Variants in PREX1 observed in about 807,000 individuals in gnomAD.
The protein encoded by PREX1 is phosphatidylinositol 3,4,5-trisphosphate-dependent Rac exchanger 1 protein.
In PREX1, 41 loss-of-function variants were observed where a neutral mutation model predicts 198.3. The ratio of observed to expected loss-of-function variants is 0.21; its 90% confidence interval spans 0.16 to 0.27. The LOEUF (loss-of-function observed/expected upper bound fraction) is 0.27. Ranked by LOEUF, PREX1 falls within the 10% of genes least tolerant of loss-of-function variation. PREX1 has a pLI of 1.00. For missense variants in PREX1, 1,620 were observed against 2,200.7 expected, an observed-to-expected ratio of 0.74 and a Z score of 5.28; for synonymous variants, 843 against 887.2, an observed-to-expected ratio of 0.95 and a Z score of 0.89.
chr20:48,628,228 C>A lies in PREX1; in HGVS notation c.4767-265G>T, dbSNP rs565992452. On this transcript the variant is annotated intron_variant, in intron 37 of 39. Transcript: ENST00000371941. ...AGAAGCCCTGTTGAGTTCCCTGTGA[C>A]ATTCCCAGTGCCTCGCTCAGAGGAG... 2.0e-5 allele frequency among the ~76,000 whole-genome samples: 3 copies of A among 152,342 alleles called. No homozygotes were observed. The South Asian group carries it at 6.2e-4, about 32-fold the overall frequency.
At chr20:48,715,406 A>G (rs1315920555) in intron 5 of PREX1, among the ~76,000 whole-genome samples, 1 of 152,222 alleles carries the variant, frequency 6.6e-6, no homozygotes, top group African/African-American at 2.4e-5. Flanking sequence ...AGGCCCACTA[A>G]TGCCTTATTC....
At chr20:48,782,863 G>T (rs1035329498) in intron 1 of PREX1, among the ~76,000 whole-genome samples, 1 of 152,212 alleles carries the variant, frequency 6.6e-6, no homozygotes, top group Non-Finnish European at 1.5e-5. Context: ...GGGAGAAGAA[G>T]TGAACAGGCG....
intron 1 of PREX1, among the ~76,000 whole-genome samples, chr20:48,785,648 C>G (rs536374765): frequency 6.6e-6 from 1 of 152,246 alleles, no homozygotes. Flanking sequence ...TACAGAAGTA[C>G]CTGTCCCAGC....
intron 1 of PREX1, among the ~76,000 whole-genome samples, chr20:48,767,704 C>G (rs1279361513): frequency 2.6e-5 from 4 of 152,044 alleles, no homozygotes; most frequent in Non-Finnish European, 4.4e-5. Context: ...GTGTCTCATT[C>G]CACTGCAGCC....
intron 18 of PREX1, among the ~76,000 whole-genome samples, chr20:48,656,719 C>T: frequency 6.6e-6 from 1 of 152,224 alleles, no homozygotes; most frequent in East Asian, 1.9e-4. Flanking sequence ...GCCACGCTCA[C>T]CAGCACAGGC....
chr20:48,710,793 C>T (rs779174793), intron 5 of PREX1, among the ~76,000 whole-genome samples: 7 of 152,232 alleles, frequency 4.6e-5, no homozygotes, highest in Non-Finnish European at 8.8e-5. Flanking sequence ...GGCCACACTG[C>T]GTCTGCAGGA....
At chr20:48,630,206 T>C (rs938487500) in intron 36 of PREX1, among the ~76,000 whole-genome samples, 5 of 151,946 alleles carry the variant, frequency 3.3e-5, no homozygotes, top group Non-Finnish European at 5.9e-5. Context: ...CCAAAAGACA[T>C]GTGTTGAGGG....
intron 1 of PREX1, among the ~76,000 whole-genome samples, chr20:48,825,860 AC>A (rs1433433146): frequency 1.2e-5 from 1 of 85,572 alleles, no homozygotes; most frequent in Non-Finnish European, 2.3e-5. Flanking sequence ...TTCTTCCCCC[AC>A]CCCCCACCCC....
In PREX1 at chr20:48,676,855, GC is replaced by G. The variant is rs1257257427; in HGVS notation, c.1590-588del. Among the ~76,000 whole-genome samples, 3 of 152,206 alleles carry G rather than the reference GC, an allele frequency of 2.0e-5. No individual in the cohort carries two copies. The East Asian group carries it at 5.8e-4, about 29-fold the overall frequency. On this transcript the variant is annotated intron_variant, in intron 13 of 39. Coordinates refer to ENST00000371941, the MANE Select transcript of PREX1 (RefSeq NM_020820.4). ...TATTTAAACCAAACCATTGTGGAAA[GC>G]CCCTGCAAGGGGCTGGTGTGGTCTA... is the stretch of plus-strand genomic sequence containing the variant.
the PREX1 span, among the ~76,000 whole-genome samples, chr20:48,879,403 CAT>C: frequency 0.013 from 2,041 of 152,272 alleles, 43 homozygotes; most frequent in African/African-American, 0.047. Context: ...TACTGAAATA[CAT>C]TCATAATAGT....
At chr20:48,810,833 G>T (rs2090430694) in intron 1 of PREX1, among the ~76,000 whole-genome samples, 1 of 152,026 alleles carries the variant, frequency 6.6e-6, no homozygotes, top group Non-Finnish European at 1.5e-5. Context: ...GCTGCAGTGA[G>T]CTGAGATCGC....
chr20:48,771,397 G>A (rs967247094), intron 1 of PREX1, among the ~76,000 whole-genome samples: 1 of 151,778 alleles, frequency 6.6e-6, no homozygotes, highest in African/African-American at 2.4e-5. Flanking sequence ...GGGAATCACT[G>A]TTTGGGAGTC....
At chr20:48,628,775 G>A (rs1350881087) in intron 37 of PREX1, among the ~76,000 whole-genome samples, 2 of 152,242 alleles carry the variant, frequency 1.3e-5, no homozygotes, top group Non-Finnish European at 2.9e-5. Context: ...GAGGCAGAGA[G>A]CACTGGCCCC....
At chr20:48,848,578 C>T in the PREX1 span, among the ~76,000 whole-genome samples, 4 of 151,992 alleles carry the variant, frequency 2.6e-5, no homozygotes, top group African/African-American at 9.7e-5. Context: ...ATTAATTACA[C>T]AAGTAATACA....
the PREX1 span, among the ~76,000 whole-genome samples, chr20:48,845,702 CAAAAAAAAA>C: frequency 1.9e-5 from 2 of 103,036 alleles, no homozygotes; most frequent in African/African-American, 7.4e-5. Flanking sequence ...ACCTTGTTTC[CAAAAAAAAA>C]AAAAAAAAAG....
At chr20:48,667,621 G>A (rs1349346642) in intron 14 of PREX1, among the ~76,000 whole-genome samples, 1 of 152,198 alleles carries the variant, frequency 6.6e-6, no homozygotes, top group Non-Finnish European at 1.5e-5. Flanking sequence ...TGTTATCCTG[G>A]CAAATGAAAA....
chr20:48,753,822 C>T (rs987371027), intron 1 of PREX1, among the ~76,000 whole-genome samples: 1 of 152,200 alleles, frequency 6.6e-6, no homozygotes, highest in African/African-American at 2.4e-5. Flanking sequence ...TCACAGGCCA[C>T]CCCTGGACCC....
intron 4 of PREX1, 105 bp downstream of exon 4, chr20:48,734,441 G>A: frequency 1.0e-6 from 1 of 975,982 alleles, no homozygotes; most frequent in Non-Finnish European, 1.6e-6. Flanking sequence ...CCCCAGCCAA[G>A]GAAAGGATTT....
At chr20:48,840,638 T>C in the PREX1 span, among the ~76,000 whole-genome samples, 1 of 152,142 alleles carries the variant, frequency 6.6e-6, no homozygotes, top group Non-Finnish European at 1.5e-5. Flanking sequence ...CTGCTTGGGG[T>C]GGGCAGGCTC....
Sources: gnomAD v4.1 joint callset for allele counts (sites outside exome capture counted in the v4.1 genomes callset) on GRCh38, gnomAD v4.1.1 for gene constraint, MANE v1.5 for transcripts, NCBI Gene and HGNC (gene_info 2026-07-23, HGNC 2026-07-21) for gene names.